Variants in NCALD observed in about 807,000 individuals in gnomAD.
NCALD encodes the protein neurocalcin delta.
Under a neutral mutation model 18.6 loss-of-function variants are expected in NCALD, and 10 were observed. The observed-to-expected ratio is 0.54, with a 90% CI of 0.33 to 0.91. The LOEUF (loss-of-function observed/expected upper bound fraction) is 0.91. Among genes scored for constraint, NCALD ranks in the 40% least tolerant of loss-of-function variants. The pLI is 0.03. For missense variants in NCALD, 184 were observed against 247.6 expected (o/e 0.74, Z 1.72); for synonymous variants, 88 against 87.4 (o/e 1.01, Z -0.04).
chr8:101,691,089 G>A, intron 3 of NCALD: 1 of 985,376 alleles, frequency 1.0e-6, no homozygotes, highest in Non-Finnish European at 1.2e-6. Context: ...GACTCTAGGT[G>A]AGGACTGCTC....
intron 4 of NCALD, among the ~76,000 whole-genome samples, chr8:101,830,683 T>C (rs28623673): frequency 0.37 from 55,487 of 151,860 alleles, 12,527 homozygotes; most frequent in African/African-American, 0.64. Context: ...GCCTTTGGGG[T>C]TTGCTGTGTG....
At chr8:101,974,040 C>T (rs955546265) in intron 2 of NCALD, among the ~76,000 whole-genome samples, 18 of 152,132 alleles carry the variant, frequency 1.2e-4, no homozygotes, top group Admixed American at 5.9e-4. Context: ...ATTATCTTCA[C>T]AAGATCCCAG....
At chr8:101,768,885 C>T (rs1586452739) in intron 1 of NCALD, among the ~76,000 whole-genome samples, 1 of 152,062 alleles carries the variant, frequency 6.6e-6, no homozygotes, top group African/African-American at 2.4e-5. Flanking sequence ...GGTTGCTTTG[C>T]AGGGAAAAAG....
intron 4 of NCALD, among the ~76,000 whole-genome samples, chr8:101,843,551 A>ATCTGATCT (rs1434322038): frequency 7.0e-6 from 1 of 142,458 alleles, no homozygotes; most frequent in African/African-American, 2.7e-5. Flanking sequence ...TACATTGATC[A>ATCTGATCT]TCTGATCTGT....
intron 2 of NCALD, among the ~76,000 whole-genome samples, chr8:101,978,644 A>AGGTGGT (rs3056902): frequency 6.6e-6 from 1 of 151,770 alleles, no homozygotes; most frequent in East Asian, 1.9e-4. Flanking sequence ...TAATGTGTGC[A>AGGTGGT]GGTGGTGGTG....
At chr8:102,084,611 C>T (rs969085128) in intron 1 of NCALD, among the ~76,000 whole-genome samples, 2 of 152,174 alleles carry the variant, frequency 1.3e-5, no homozygotes, top group Non-Finnish European at 2.9e-5. Context: ...GGAGGGGCGC[C>T]ACACGCAATG....
At chr8:101,781,021 A>G (rs1554629550) in intron 1 of NCALD, among the ~76,000 whole-genome samples, 1 of 152,154 alleles carries the variant, frequency 6.6e-6, no homozygotes, top group Non-Finnish European at 1.5e-5. Flanking sequence ...TCTAAATAGT[A>G]ACAGATCGAC....
chr8:101,951,206 G>A (rs906786650), intron 2 of NCALD, among the ~76,000 whole-genome samples: 1 of 152,160 alleles, frequency 6.6e-6, no homozygotes, highest in Non-Finnish European at 1.5e-5. Context: ...AAACGATGAG[G>A]ACAGTATTAT....
At chr8:101,704,380 G>A (rs1005582985) in intron 2 of NCALD, among the ~76,000 whole-genome samples, 4 of 152,092 alleles carry the variant, frequency 2.6e-5, no homozygotes, top group Non-Finnish European at 5.9e-5. Flanking sequence ...ACTGGGGTGT[G>A]GGGGGCAGAG....
intron 2 of NCALD, among the ~76,000 whole-genome samples, chr8:101,996,242 C>G (rs1821235135): frequency 1.3e-5 from 2 of 152,240 alleles, no homozygotes; most frequent in Non-Finnish European, 2.9e-5. Context: ...CATCTAACAG[C>G]CTTGAGAGGA....
At chr8:101,756,395 G>C (rs932742044) in intron 1 of NCALD, among the ~76,000 whole-genome samples, 2 of 152,138 alleles carry the variant, frequency 1.3e-5, no homozygotes, top group Non-Finnish European at 1.5e-5. Context: ...TGGTCAGCAC[G>C]ACCAGCTAGG....
chr8:101,736,615 G>A (rs1452356806), intron 1 of NCALD, among the ~76,000 whole-genome samples: 1 of 152,164 alleles, frequency 6.6e-6, no homozygotes, highest in Non-Finnish European at 1.5e-5. Flanking sequence ...CCAGCCAATA[G>A]GATACCCCGT....
At chr8:102,090,697 G>C (rs1824897154) in intron 1 of NCALD, among the ~76,000 whole-genome samples, 1 of 152,120 alleles carries the variant, frequency 6.6e-6, no homozygotes, top group African/African-American at 2.4e-5. Context: ...GTATACTTCT[G>C]TGAACAAAAT....
At chr8:102,009,809 T>G (rs1176735594) in intron 2 of NCALD, among the ~76,000 whole-genome samples, 1 of 152,164 alleles carries the variant, frequency 6.6e-6, no homozygotes, top group Non-Finnish European at 1.5e-5. Context: ...ATGATTCAGG[T>G]CAAGTCTTTC....
chr8:101,888,222 A>T (rs1226661497), intron 3 of NCALD, among the ~76,000 whole-genome samples: 1 of 152,174 alleles, frequency 6.6e-6, no homozygotes, highest in African/African-American at 2.4e-5. Flanking sequence ...TGGGAAGTGG[A>T]TCAGCAAATG....
chr8:102,005,715 G>A (rs1326181474), intron 2 of NCALD, among the ~76,000 whole-genome samples: 8 of 151,990 alleles, frequency 5.3e-5, no homozygotes, highest in Admixed American at 2.0e-4. Context: ...TGATGACTTC[G>A]TGTCCTTTGT....
intron 4 of NCALD, among the ~76,000 whole-genome samples, chr8:101,819,445 A>G (rs1029500970): frequency 6.6e-5 from 10 of 152,064 alleles, no homozygotes; most frequent in Admixed American, 2.0e-4. Flanking sequence ...TATTATGACC[A>G]TTACTCCTTT....
intron 2 of NCALD, among the ~76,000 whole-genome samples, chr8:101,936,236 C>A (rs1018568397): frequency 3.3e-5 from 5 of 152,132 alleles, no homozygotes; most frequent in African/African-American, 1.2e-4. Context: ...CTGACATTTG[C>A]AGTCATGAAT....
chr8:101,951,773 T>A (rs1431497185), intron 2 of NCALD, among the ~76,000 whole-genome samples: 1 of 152,174 alleles, frequency 6.6e-6, no homozygotes, highest in South Asian at 2.1e-4. Context: ...TGGATATCCA[T>A]CCTGATCCTC....
Sources: gnomAD v4.1 joint callset for allele counts (sites outside exome capture counted in the v4.1 genomes callset) on GRCh38, gnomAD v4.1.1 for gene constraint, MANE v1.5 for transcripts, NCBI Gene and HGNC (gene_info 2026-07-23, HGNC 2026-07-21) for gene names.